The following NELL1 variants were observed in gnomAD, a reference collection of about 807,000 sequenced individuals.
NELL1 encodes protein kinase C-binding protein NELL1.
A neutral mutation model predicts 107.4 loss-of-function variants in NELL1; 76 were observed. The ratio of observed to expected loss-of-function variants is 0.71; its 90% CI spans 0.59 to 0.86. The LOEUF is 0.86. Ranked by LOEUF, NELL1 falls within the 40% of genes least tolerant of loss-of-function variation. The pLI, the probability that NELL1 is intolerant of heterozygous loss-of-function variation, is 0.00. For missense variants in NELL1, 1,024 were observed against 1,005.5 expected, an observed-to-expected ratio of 1.02 and a Z score of -0.25; for synonymous variants, 353 against 341.2, an observed-to-expected ratio of 1.03 and a Z score of -0.38.
intron 13 of NELL1, among the ~76,000 whole-genome samples, chr11:21,163,639 A>C: frequency 6.6e-6 from 1 of 152,108 alleles, no homozygotes; most frequent in East Asian, 1.9e-4. Context: ...ACACAAATTT[A>C]TTTCTCATAG....
chr11:20,671,559 C>T (rs1249139328), intron 1 of NELL1, among the ~76,000 whole-genome samples: 1 of 152,198 alleles, frequency 6.6e-6, no homozygotes, highest in African/African-American at 2.4e-5. Flanking sequence ...CAGGTATTTT[C>T]CCTCTTTCCA....
chr11:21,293,823 CA>C (rs1172768578), intron 14 of NELL1, among the ~76,000 whole-genome samples: 1 of 152,094 alleles, frequency 6.6e-6, no homozygotes, highest in Non-Finnish European at 1.5e-5. Flanking sequence ...AGCAAACTAA[CA>C]CAAGAACAGA....
intron 12 of NELL1, among the ~76,000 whole-genome samples, chr11:20,979,943 C>T (rs562664033): frequency 6.6e-6 from 1 of 152,104 alleles, no homozygotes; most frequent in Admixed American, 6.5e-5. Flanking sequence ...AAAGGAAGAA[C>T]AGGACCTTCT....
chr11:20,681,193 A>G (rs1423076855), intron 2 of NELL1, among the ~76,000 whole-genome samples: 1 of 152,156 alleles, frequency 6.6e-6, no homozygotes. Context: ...CTGAATTATC[A>G]AGTCCTGACT....
At chr11:21,419,302 G>A (rs533162275) in intron 15 of NELL1, among the ~76,000 whole-genome samples, 13 of 152,098 alleles carry the variant, frequency 8.5e-5, no homozygotes, top group South Asian at 4.2e-4. Context: ...TCAAGAAACC[G>A]TTGCAAGTTC....
chr11:20,803,450 A>G (rs1336702970), intron 3 of NELL1, among the ~76,000 whole-genome samples: 1 of 152,054 alleles, frequency 6.6e-6, no homozygotes, highest in Non-Finnish European at 1.5e-5. Flanking sequence ...TTCTCAATTA[A>G]TCTGGCTAAA....
intron 15 of NELL1, among the ~76,000 whole-genome samples, chr11:21,402,304 G>A (rs932253340): frequency 2.0e-5 from 3 of 151,634 alleles, no homozygotes; most frequent in Admixed American, 1.3e-4. Context: ...TCTCAACTTG[G>A]GAAAGAAAGT....
intron 3 of NELL1, among the ~76,000 whole-genome samples, chr11:20,841,527 A>G (rs2134050055): frequency 6.6e-6 from 1 of 152,304 alleles, no homozygotes; most frequent in South Asian, 2.1e-4. Context: ...TATCAGGAAT[A>G]GAATGAAACG....
At chr11:20,713,324 G>A (rs978906462) in intron 2 of NELL1, among the ~76,000 whole-genome samples, 1 of 152,102 alleles carries the variant, frequency 6.6e-6, no homozygotes, top group African/African-American at 2.4e-5. Flanking sequence ...ACTCTTCTTG[G>A]GTGGGGCTTG....
At position 21,247,888 on chromosome 11, in the gene NELL1, T is replaced by C. The variant is rs116306691; in HGVS notation, c.1549+18434T>C. On this transcript the variant is annotated intron_variant, in intron 14 of 19. Transcript: ENST00000357134. ...GACCAATAGGAATTTTTCAGCTCCA[T>C]TATAATTTTTCAGCTTCCTTATAAT... 5.2e-3 allele frequency among the ~76,000 whole-genome samples: 797 copies of C among 152,304 alleles called. 10 individuals carry two copies. Among genetic ancestry groups the C allele is most frequent in the African/African-American group, 0.018 (768 of 41,558 alleles).
chr11:20,926,322 A>C (rs180998995), intron 7 of NELL1, among the ~76,000 whole-genome samples: 1 of 152,272 alleles, frequency 6.6e-6, no homozygotes, highest in South Asian at 2.1e-4. Context: ...GCTTGGAATC[A>C]TATCATGAGG....
chr11:20,802,383 T>C (rs1321160935), intron 3 of NELL1, among the ~76,000 whole-genome samples: 1 of 151,532 alleles, frequency 6.6e-6, no homozygotes, highest in African/African-American at 2.4e-5. Context: ...TTTCAGATCG[T>C]TCATTGTTGG....
At chr11:20,773,376 T>C (rs1386154251) in intron 2 of NELL1, 1 of 152,252 alleles carries the variant, frequency 6.6e-6, no homozygotes, top group African/African-American at 2.4e-5. Context: ...ATTTAATCTT[T>C]ATACTATCCC....
Position 21,522,834 on chromosome 11 carries a change from CTTTTTTTT to C in NELL1, c.1646-11523_1646-11516del, listed in dbSNP as rs66707466. On this transcript the variant is annotated intron_variant, in intron 15 of 19. Transcript: ENST00000357134. ...ATCTTGAATCCTATTTTTTTCTTTT[CTTTTTTTT>C]TTTTTTTTTTTTTTTTGAGACGGAG... Among the ~76,000 whole-genome samples, 4 of 68,440 alleles carry C rather than the reference CTTTTTTTT, an allele frequency of 5.8e-5. No homozygotes were observed. In the Admixed American group the frequency reaches 7.0e-4, roughly 12 times the overall value. The allele number at this position is 68,440 out of a possible 152,430, so 44.9% of individuals were successfully genotyped here. A position where few individuals can be genotyped will look rare whatever the true frequency, so the allele number is the denominator to read the frequency against.
intron 3 of NELL1, among the ~76,000 whole-genome samples, chr11:20,789,781 T>A (rs1356387538): frequency 6.6e-6 from 1 of 152,122 alleles, no homozygotes; most frequent in Non-Finnish European, 1.5e-5. Flanking sequence ...GGTGTTCAGC[T>A]CCTAATAGAG....
chr11:20,825,108 A>G (rs1156840111), intron 3 of NELL1, among the ~76,000 whole-genome samples: 1 of 151,394 alleles, frequency 6.6e-6, no homozygotes, highest in Non-Finnish European at 1.5e-5. Context: ...CTGTAGGTCC[A>G]CAGAGGTCAA....
chr11:20,928,507 C>G, intron 9 of NELL1, 28 bp downstream of exon 9: 1 of 1,536,878 alleles, frequency 6.5e-7, no homozygotes, highest in Non-Finnish European at 9.0e-7. Flanking sequence ...GTCAGACTGG[C>G]TGTCTGTGTT....
chr11:21,567,524 CTA>C, intron 17 of NELL1, among the ~76,000 whole-genome samples: 1 of 151,938 alleles, frequency 6.6e-6, no homozygotes, highest in South Asian at 2.1e-4. Flanking sequence ...TTTTGGAACA[CTA>C]TGATTTCTTG....
chr11:21,295,257 T>G (rs1267840999), intron 14 of NELL1, among the ~76,000 whole-genome samples: 2 of 152,074 alleles, frequency 1.3e-5, no homozygotes, highest in Admixed American at 1.3e-4. Context: ...CCCAGGGCAC[T>G]GGAGTATAAC....
Sources: gnomAD v4.1 joint callset for allele counts (sites outside exome capture counted in the v4.1 genomes callset) on GRCh38, gnomAD v4.1.1 for gene constraint, MANE v1.5 for transcripts, NCBI Gene and HGNC (gene_info 2026-07-23, HGNC 2026-07-21) for gene names.